Variants in KIF2C observed in about 807,000 individuals in gnomAD.
The protein encoded by KIF2C is kinesin-like protein KIF2C.
KIF2C carries 34 observed loss-of-function variants against 97.4 expected under a neutral mutation model. The ratio of observed to expected loss-of-function variants is 0.35; its 90% confidence interval spans 0.27 to 0.46. KIF2C has a LOEUF of 0.46. Ranked by LOEUF, KIF2C falls within the 20% of genes least tolerant of loss-of-function variation. KIF2C has a pLI of 1.00. For missense variants in KIF2C, 750 were observed against 907.6 expected (o/e 0.83, Z 2.23); for synonymous variants, 313 against 318.2 (o/e 0.98, Z 0.17).
chr1:44,759,079 C>T (rs758627762), intron 13 of KIF2C, 127 bp from the exon 14 acceptor site: 16 of 1,166,596 alleles, frequency 1.4e-5, no homozygotes, highest in Non-Finnish European at 1.7e-5. Flanking sequence ...TGACATCCAT[C>T]AGTTCGTATT....
At chr1:44,763,985 A>G (rs1056433519) in intron 19 of KIF2C, among the ~76,000 whole-genome samples, 44 of 152,058 alleles carry the variant, frequency 2.9e-4, no homozygotes, top group East Asian at 3.9e-4. Context: ...GTGAGTCAAG[A>G]TCGTGCCACT....
rs1393044725 is a variant in KIF2C, at chr1:44,756,249, G to A, written c.977+12G>A. ...GAAGTTGTCTACAGGTTAGTCCCTT[G>A]CATCCATTTTTCCCTCCTTGTGCCC... On this transcript the variant is annotated intron_variant, in intron 10 of 20. Coordinates refer to ENST00000372224, the MANE Select transcript of KIF2C (RefSeq NM_006845.4). 6.2e-7 allele frequency: 1 copy of A among 1,611,840 alleles called. No homozygotes were observed. The highest frequency in any genetic ancestry group is 8.5e-7 in the Non-Finnish European group (1 of 1,178,154).
At chr1:44,741,082 T>C in intron 2 of KIF2C, 75 bp downstream of exon 2, 1 of 1,164,270 alleles carries the variant, frequency 8.6e-7, no homozygotes, top group Admixed American at 1.9e-5. Flanking sequence ...GTGGAATCTG[T>C]GAGAGCCTAG....
intron 2 of KIF2C, among the ~76,000 whole-genome samples, chr1:44,745,137 C>T (rs570652800): frequency 9.3e-5 from 14 of 150,174 alleles, no homozygotes; most frequent in Non-Finnish European, 1.3e-4. Flanking sequence ...TCCAGTGAGC[C>T]GAGATCATGC....
chr1:44,754,882 A>G, intron 8 of KIF2C, 37 bp downstream of exon 8: 1 of 1,272,450 alleles, frequency 7.9e-7, no homozygotes, highest in East Asian at 2.3e-5. Context: ...TCTTAAGTGT[A>G]CAATTGAGAG....
At chr1:44,763,234 G>A (rs1444802885) in intron 19 of KIF2C, among the ~76,000 whole-genome samples, 1 of 152,174 alleles carries the variant, frequency 6.6e-6, no homozygotes, top group East Asian at 1.9e-4. Flanking sequence ...ACTGGTAGGT[G>A]CCCCTGCTAC....
chr1:44,740,825 T>C (rs1648896127), intron 1 of KIF2C, 88 bp from the exon 2 acceptor site: 1 of 616,896 alleles, frequency 1.6e-6, no homozygotes, highest in Admixed American at 2.9e-5. Context: ...TCCTTCAGGT[T>C]AACTCCACTT....
chr1:44,752,558 ATTGTG>A (rs1649586405), intron 5 of KIF2C, among the ~76,000 whole-genome samples: 1 of 152,222 alleles, frequency 6.6e-6, no homozygotes, highest in African/African-American at 2.4e-5. Flanking sequence ...TTAGATGCAA[ATTGTG>A]TAAGACACAC....
chr1:44,767,075 G>C (rs1182654092), intron 20 of KIF2C, 22 bp from the exon 21 acceptor site: 9 of 1,613,150 alleles, frequency 5.6e-6, no homozygotes, highest in Non-Finnish European at 6.8e-6. Flanking sequence ...AACCCCATAT[G>C]TACCGCTACC....
At position 44,761,934 on chromosome 1, in the gene KIF2C, G is replaced by A; in HGVS notation, c.1702G>A (p.Gly568Ser). 6.2e-7 allele frequency: 1 copy of A among 1,614,122 alleles called. No homozygotes were observed. The highest frequency in any genetic ancestry group is 2.2e-5 in the East Asian group (1 of 44,872). The change falls in exon 17 of 21, where the codon GGC becomes AGC. Residue 568 changes from glycine to serine, a missense_variant. Gly to Ser is a moderately conservative substitution (Grantham distance 56). Transcript: ENST00000372224. ...RTCMIATISP[G>S]ISSCEYTLNT... ...TTTGCAGATTGCCACGATCTCACCA[G>A]GCATAAGCTCCTGTGAATATACTTT...
intron 7 of KIF2C, 83 bp from the exon 8 acceptor site, chr1:44,754,667 A>C: frequency 2.4e-6 from 2 of 835,528 alleles, no homozygotes; most frequent in Non-Finnish European, 4.2e-6. Flanking sequence ...TGGTGAGCAA[A>C]GAGCTGTTGC....
intron 19 of KIF2C, 96 bp from the exon 20 acceptor site, chr1:44,766,730 A>T (rs1650489698): frequency 6.6e-6 from 9 of 1,373,156 alleles, no homozygotes; most frequent in Non-Finnish European, 9.0e-6. Context: ...CCAGAGGTAA[A>T]GCATCTTACT....
At chr1:44,740,872 A>C (rs995112010) in intron 1 of KIF2C, 41 bp from the exon 2 acceptor site, 2 of 1,441,770 alleles carry the variant, frequency 1.4e-6, no homozygotes, top group Non-Finnish European at 1.9e-6. Context: ...TGAAGCTCTC[A>C]GGAAAGAGAT....
At chr1:44,746,089 G>T (rs1159805317) in intron 2 of KIF2C, among the ~76,000 whole-genome samples, 4 of 151,978 alleles carry the variant, frequency 2.6e-5, no homozygotes, top group Non-Finnish European at 5.9e-5. Context: ...TGTTGCCCAG[G>T]CTGGCCTTGA....
At chr1:44,745,358 C>CTT (rs896545598) in intron 2 of KIF2C, among the ~76,000 whole-genome samples, 1 of 134,994 alleles carries the variant, frequency 7.4e-6, no homozygotes. Flanking sequence ...TTCTATCCTC[C>CTT]TTTTTTTTTT....
intron 19 of KIF2C, among the ~76,000 whole-genome samples, chr1:44,764,890 C>T (rs1265048751): frequency 6.6e-6 from 1 of 152,042 alleles, no homozygotes; most frequent in African/African-American, 2.4e-5. Context: ...GAGGCTGAGG[C>T]GGCCACATCA....
intron 6 of KIF2C, 48 bp downstream of exon 6, chr1:44,753,302 T>C (rs781580646): frequency 1.3e-6 from 2 of 1,579,206 alleles, no homozygotes; most frequent in Non-Finnish European, 1.7e-6. Context: ...GAGGCACAGA[T>C]AGTTTACATC....
intron 1 of KIF2C, 80 bp from the exon 2 acceptor site, chr1:44,740,833 C>A: frequency 2.2e-5 from 11 of 510,816 alleles, no homozygotes; most frequent in Admixed American, 3.3e-5. Context: ...GTTAACTCCA[C>A]TTTGGGAATC....
chr1:44,749,574 A>G (rs1649397405), intron 4 of KIF2C, among the ~76,000 whole-genome samples: 1 of 152,170 alleles, frequency 6.6e-6, no homozygotes, highest in Non-Finnish European at 1.5e-5. Context: ...CAATATAGCA[A>G]GACTCAGTCT....
Sources: allele counts gnomAD v4.1 joint callset (sites outside exome capture counted in the v4.1 genomes callset), GRCh38; gene constraint gnomAD v4.1.1; transcripts MANE v1.5; gene names NCBI Gene and HGNC (gene_info 2026-07-23, HGNC 2026-07-21).